The following NCKAP5 variants were observed in gnomAD, a reference collection of about 807,000 sequenced individuals.
NCKAP5 encodes the protein NCK associated protein 5.
NCKAP5 carries 92 observed loss-of-function variants against 167.0 expected under a neutral mutation model. That is an observed-to-expected ratio of 0.55 (90% CI 0.47 to 0.66). The LOEUF (loss-of-function observed/expected upper bound fraction) is 0.66. NCKAP5 is among the 30% of genes least tolerant of loss of function. NCKAP5 has a pLI of 0.00. For synonymous variants in NCKAP5, 891 were observed against 877.4 expected (o/e 1.02, Z -0.27); for missense variants, 2,378 against 2,315.0 (o/e 1.03, Z -0.56).
chr2:133,083,515 C>T (rs1286445944), intron 6 of NCKAP5, among the ~76,000 whole-genome samples: 1 of 152,160 alleles, frequency 6.6e-6, no homozygotes, highest in Admixed American at 6.5e-5. Flanking sequence ...GGTCCTTGTA[C>T]TTATGCCCTA....
At chr2:133,228,453 T>C (rs1463543991) in intron 4 of NCKAP5, among the ~76,000 whole-genome samples, 1 of 152,214 alleles carries the variant, frequency 6.6e-6, no homozygotes, top group Non-Finnish European at 1.5e-5. Context: ...CTTCATACTA[T>C]CTTGACCCCT....
At chr2:133,388,924 T>C (rs1356985006) in intron 3 of NCKAP5, among the ~76,000 whole-genome samples, 1 of 152,228 alleles carries the variant, frequency 6.6e-6, no homozygotes, top group African/African-American at 2.4e-5. Flanking sequence ...ATTTTCCATG[T>C]GCAATCTGTC....
chr2:133,441,500 G>A (rs1048627353), intron 3 of NCKAP5, among the ~76,000 whole-genome samples: 2 of 152,174 alleles, frequency 1.3e-5, no homozygotes, highest in African/African-American at 4.8e-5. Flanking sequence ...AGTCTTTGCA[G>A]CGTTAGGATA....
rs543442345 is a variant in NCKAP5 at position 133,494,058 on chromosome 2, G to C, written c.69+23400C>G. On this transcript the variant is annotated intron_variant, in intron 3 of 19. Coordinates refer to ENST00000409261, the MANE Select transcript of NCKAP5 (RefSeq NM_207363.3). ...GGTAGCCCTTTAACTTGATCTATGT[G>C]GAACTCATGCTTTGGCCTTTTTGTT... 1.5e-3 allele frequency among the ~76,000 whole-genome samples: 235 copies of C among 152,304 alleles called. 1 individual carries two copies. The highest frequency in any genetic ancestry group is 3.4e-3 in the Middle Eastern group (1 of 294).
At chr2:132,897,880 G>T (rs2148897830) in intron 8 of NCKAP5, among the ~76,000 whole-genome samples, 1 of 152,334 alleles carries the variant, frequency 6.6e-6, no homozygotes, top group Middle Eastern at 3.4e-3. Flanking sequence ...CTTTTTGCTA[G>T]TGGAGGGTTT....
chr2:133,578,097 T>C, the NCKAP5 span, among the ~76,000 whole-genome samples: 1 of 152,246 alleles, frequency 6.6e-6, no homozygotes. Context: ...GGAAACAATG[T>C]GCTCCTATAC....
chr2:133,104,157 T>A (rs1370071445), intron 6 of NCKAP5, among the ~76,000 whole-genome samples: 2 of 151,464 alleles, frequency 1.3e-5, no homozygotes, highest in Non-Finnish European at 2.9e-5. Context: ...AAAAAAAGTA[T>A]AAGGAGTGAT....
At chr2:133,272,805 A>G (rs2089572336) in intron 4 of NCKAP5, among the ~76,000 whole-genome samples, 1 of 152,176 alleles carries the variant, frequency 6.6e-6, no homozygotes, top group South Asian at 2.1e-4. Flanking sequence ...GGAATCATAC[A>G]ATGTTTAGCC....
chr2:133,627,057 T>C, the NCKAP5 span, among the ~76,000 whole-genome samples: 2 of 151,912 alleles, frequency 1.3e-5, no homozygotes, highest in Admixed American at 6.6e-5. Context: ...CATCTTAAAA[T>C]CAATAAAATA....
At chr2:132,885,085 G>T (rs1025362660) in intron 8 of NCKAP5, among the ~76,000 whole-genome samples, 1 of 151,996 alleles carries the variant, frequency 6.6e-6, no homozygotes, top group African/African-American at 2.4e-5. Context: ...GGACAAAAAA[G>T]ATATTAACAA....
At chr2:132,694,170 ATG>A (rs1687098211) in intron 19 of NCKAP5, among the ~76,000 whole-genome samples, 1 of 151,522 alleles carries the variant, frequency 6.6e-6, no homozygotes, top group Non-Finnish European at 1.5e-5. Flanking sequence ...TGACTTAAAA[ATG>A]GGATGCTTGA....
In NCKAP5 at chr2:132,802,348, T is replaced by C. The variant is rs182700356; in HGVS notation, c.808-5619A>G. 2.4e-3 allele frequency among the ~76,000 whole-genome samples: 361 copies of C among 152,324 alleles called. 3 individuals carry two copies. The highest frequency in any genetic ancestry group is 4.4e-3 in the Non-Finnish European group (298 of 68,030). ...ATTTCTCAGAAAAAGAACTTACTGC[T>C]TTTTCAGCTTTAGTTTTGTTTTCAA... On this transcript the variant is annotated intron_variant, in intron 11 of 19. Transcript: ENST00000409261.
At chr2:133,540,251 G>A (rs1008946221) in intron 2 of NCKAP5, among the ~76,000 whole-genome samples, 39 of 152,056 alleles carry the variant, frequency 2.6e-4, no homozygotes, top group African/African-American at 9.4e-4. Context: ...AAAACCTCAA[G>A]TGAAAGACAA....
At chr2:133,529,696 T>G (rs1004749880) in intron 2 of NCKAP5, among the ~76,000 whole-genome samples, 1 of 152,226 alleles carries the variant, frequency 6.6e-6, no homozygotes, top group African/African-American at 2.4e-5. Context: ...AGAGTTATCA[T>G]AGCTGAACAG....
intron 3 of NCKAP5, among the ~76,000 whole-genome samples, chr2:133,514,216 T>G (rs570862867): frequency 6.6e-6 from 1 of 152,278 alleles, no homozygotes; most frequent in Non-Finnish European, 1.5e-5. Context: ...ACCCCCACAA[T>G]GAAACATATT....
At chr2:133,440,709 CAA>C (rs1174654151) in intron 3 of NCKAP5, among the ~76,000 whole-genome samples, 3,064 of 32,046 alleles carry the variant, frequency 0.096, 16 homozygotes, top group East Asian at 0.23. Context: ...GACTCTGTCT[CAA>C]AAAAAAAAAA....
the NCKAP5 span, among the ~76,000 whole-genome samples, chr2:133,590,217 G>A: frequency 7.2e-5 from 11 of 152,104 alleles, no homozygotes; most frequent in African/African-American, 1.9e-4. Context: ...GTGGCCGGGC[G>A]CGGTGGCTCA....
At chr2:133,187,820 C>A (rs1244676142) in intron 5 of NCKAP5, among the ~76,000 whole-genome samples, 1 of 151,408 alleles carries the variant, frequency 6.6e-6, no homozygotes. Context: ...TTTTGTTTTC[C>A]ATTTGCTTGG....
At position 133,107,839 on chromosome 2, in the gene NCKAP5, T is replaced by C. The variant is rs143829670; in HGVS notation, c.341+22139A>G. Among the ~76,000 whole-genome samples, 26 of 152,346 alleles carry C rather than the reference T, an allele frequency of 1.7e-4. 1 individual carries two copies. Among genetic ancestry groups the C allele is most frequent in the Non-Finnish European group, 2.8e-4 (19 of 68,044 alleles). ...TCTGCCCATCATGAAGGCATATTCCTCTAAGGTAGGAAATAACCTTTAAAC... is the reference window on the plus strand; with the variant it reads ...TCTGCCCATCATGAAGGCATATTCCCCTAAGGTAGGAAATAACCTTTAAAC... On this transcript the variant is annotated intron_variant, in intron 6 of 19. Coordinates refer to ENST00000409261, the MANE Select transcript of NCKAP5 (RefSeq NM_207363.3).
Sources: allele counts gnomAD v4.1 joint callset (sites outside exome capture counted in the v4.1 genomes callset), GRCh38; gene constraint gnomAD v4.1.1; transcripts MANE v1.5; gene names NCBI Gene and HGNC (gene_info 2026-07-23, HGNC 2026-07-21).